The following FSIP1 variants were observed in gnomAD, a reference collection of about 807,000 sequenced individuals.
FSIP1 encodes fibrous sheath-interacting protein 1.
FSIP1 carries 65 observed loss-of-function variants against 60.9 expected under a neutral mutation model. The ratio of observed to expected loss-of-function variants is 1.07; its 90% CI spans 0.87 to 1.31. FSIP1 has a LOEUF of 1.31. Among genes scored for constraint, FSIP1 ranks in the 40% most tolerant of loss-of-function variants. The pLI, the probability that FSIP1 is intolerant of heterozygous loss-of-function variation, is 0.00. For synonymous variants in FSIP1, 209 were observed against 221.2 expected, an observed-to-expected ratio of 0.94 and a Z score of 0.49; for missense variants, 675 against 665.5, an observed-to-expected ratio of 1.01 and a Z score of -0.16.
chr15:39,675,745 G>A (rs1893911287), intron 10 of FSIP1, among the ~76,000 whole-genome samples: 1 of 152,112 alleles, frequency 6.6e-6, no homozygotes, highest in Non-Finnish European at 1.5e-5. Context: ...AATTTCCATG[G>A]TGTCATATGC....
chr15:39,634,775 C>T (rs568589847), intron 10 of FSIP1, among the ~76,000 whole-genome samples: 4 of 152,294 alleles, frequency 2.6e-5, no homozygotes, highest in South Asian at 2.1e-4. Context: ...CACTGTCATG[C>T]GGACGCCATG....
chr15:39,629,828 C>T (rs1175464024), intron 10 of FSIP1, among the ~76,000 whole-genome samples: 1 of 152,218 alleles, frequency 6.6e-6, no homozygotes, highest in Non-Finnish European at 1.5e-5. Context: ...TGAAAGATAT[C>T]ACTTTGAGCA....
intron 8 of FSIP1, among the ~76,000 whole-genome samples, chr15:39,729,420 A>T (rs777195230): frequency 6.6e-6 from 1 of 152,170 alleles, no homozygotes; most frequent in Non-Finnish European, 1.5e-5. Context: ...AAAAAATTTT[A>T]AAAATTAGCC....
chr15:39,609,154 T>A (rs1185423759), intron 11 of FSIP1, among the ~76,000 whole-genome samples: 2 of 152,030 alleles, frequency 1.3e-5, no homozygotes, highest in African/African-American at 2.4e-5. Context: ...AGAACAAAAG[T>A]GAGACTCACA....
chr15:39,737,216 CT>C (rs1175728200), intron 8 of FSIP1, among the ~76,000 whole-genome samples: 2 of 152,184 alleles, frequency 1.3e-5, no homozygotes, highest in Admixed American at 6.5e-5. Context: ...CCACAGCACT[CT>C]TTAGGTGACC....
chr15:39,738,900 T>C (rs992442253), intron 7 of FSIP1, among the ~76,000 whole-genome samples: 5 of 152,186 alleles, frequency 3.3e-5, no homozygotes, highest in Admixed American at 1.3e-4. Context: ...GTGCCAATTA[T>C]GGGGAAAGCA....
At chr15:39,663,458 C>A (rs1163049721) in intron 10 of FSIP1, among the ~76,000 whole-genome samples, 1 of 152,086 alleles carries the variant, frequency 6.6e-6, no homozygotes, top group Non-Finnish European at 1.5e-5. Flanking sequence ...GTAAATATAT[C>A]CAACTCAATA....
At chr15:39,696,781 G>GT (rs1410161057) in intron 10 of FSIP1, among the ~76,000 whole-genome samples, 2 of 151,884 alleles carry the variant, frequency 1.3e-5, no homozygotes, top group African/African-American at 4.8e-5. Flanking sequence ...TATGATCCTG[G>GT]TTTGTAAAAA....
chr15:39,692,649 T>A (rs1426727033), intron 10 of FSIP1, among the ~76,000 whole-genome samples: 2 of 152,008 alleles, frequency 1.3e-5, no homozygotes, highest in Non-Finnish European at 2.9e-5. Flanking sequence ...ATTTAGTGTG[T>A]AAGAATGTAT....
chr15:39,757,836 T>A (rs1595393094), intron 5 of FSIP1, among the ~76,000 whole-genome samples: 1 of 152,286 alleles, frequency 6.6e-6, no homozygotes, highest in Middle Eastern at 3.4e-3. Context: ...AACAGACATC[T>A]GGTTCACCTA....
At chr15:39,753,609 T>C (rs899200413) in intron 5 of FSIP1, among the ~76,000 whole-genome samples, 5 of 152,094 alleles carry the variant, frequency 3.3e-5, no homozygotes, top group African/African-American at 4.8e-5. Flanking sequence ...ATTAAATATG[T>C]TGGACATGAA....
chr15:39,782,171 C>G (rs886794587), intron 1 of FSIP1, among the ~76,000 whole-genome samples: 3 of 152,244 alleles, frequency 2.0e-5, no homozygotes, highest in Non-Finnish European at 2.9e-5. Context: ...TATGTCAAAG[C>G]TGTTTCATCT....
chr15:39,764,261 T>A (rs1897605454), intron 4 of FSIP1, among the ~76,000 whole-genome samples: 1 of 152,204 alleles, frequency 6.6e-6, no homozygotes, highest in East Asian at 1.9e-4. Flanking sequence ...TTATTATGTT[T>A]CCATTTATAA....
chr15:39,600,835 A>G lies in FSIP1; in HGVS notation c.*45T>C. ...ATAATTCAATAAGAAATTTAATTTA[A>G]CTTCATTACCAACTTTCTGAAAAGC... On this transcript the variant is annotated 3_prime_UTR_variant, in exon 12 of 12. Coordinates refer to ENST00000350221, the MANE Select transcript of FSIP1 (RefSeq NM_152597.5). 1 of 1,477,944 alleles carries G rather than the reference A, an allele frequency of 6.8e-7. No homozygotes were observed. The highest frequency in any genetic ancestry group is 9.3e-7 in the Non-Finnish European group (1 of 1,073,858). 91.6% of individuals were successfully genotyped at this position (1,477,944 alleles called of 1,614,324 possible). A position where few individuals can be genotyped will look rare whatever the true frequency, so the allele number is the denominator to read the frequency against.
intron 4 of FSIP1, among the ~76,000 whole-genome samples, chr15:39,765,347 C>A (rs1056037907): frequency 2.7e-5 from 4 of 148,210 alleles, no homozygotes; most frequent in Non-Finnish European, 5.9e-5. Flanking sequence ...CTCAAGGGAT[C>A]CTCCCACCTC....
At chr15:39,601,930 G>A (rs1303566116) in intron 11 of FSIP1, among the ~76,000 whole-genome samples, 5 of 152,142 alleles carry the variant, frequency 3.3e-5, no homozygotes, top group Non-Finnish European at 5.9e-5. Context: ...AAAATGTTGC[G>A]TTGTCGGGGG....
intron 5 of FSIP1, among the ~76,000 whole-genome samples, chr15:39,742,656 C>T (rs1218344664): frequency 6.6e-6 from 1 of 152,100 alleles, no homozygotes; most frequent in African/African-American, 2.4e-5. Context: ...ACCACCTCTC[C>T]CAGAAAGCAA....
chr15:39,748,351 A>G (rs1897061819), intron 5 of FSIP1, among the ~76,000 whole-genome samples: 2 of 152,222 alleles, frequency 1.3e-5, no homozygotes, highest in Non-Finnish European at 2.9e-5. Context: ...TGTTCTCCAC[A>G]GAGAGAAACA....
Position 39,705,349 on chromosome 15 carries a change from T to C in FSIP1, c.1188+8095A>G, listed in dbSNP as rs557824680. ...TAAAAAAAACAAAAAATCTTTATTG[T>C]CACAGTGGAACACTCACACCTCTGA... On this transcript the variant is annotated intron_variant, in intron 10 of 11. Coordinates refer to ENST00000350221, the MANE Select transcript of FSIP1 (RefSeq NM_152597.5). 9.2e-4 allele frequency among the ~76,000 whole-genome samples: 140 copies of C among 152,288 alleles called. 1 individual carries two copies. The highest frequency in any genetic ancestry group is 3.4e-3 in the Middle Eastern group (1 of 294).
Sources: gnomAD v4.1 joint callset for allele counts (sites outside exome capture counted in the v4.1 genomes callset) on GRCh38, gnomAD v4.1.1 for gene constraint, MANE v1.5 for transcripts, NCBI Gene and HGNC (gene_info 2026-07-23, HGNC 2026-07-21) for gene names.